Variants in PNPLA5 observed in about 807,000 individuals in gnomAD.
The protein encoded by PNPLA5 is patatin like domain 5, triacylglycerol lipase.
In PNPLA5, 44 loss-of-function variants were observed where a neutral mutation model predicts 49.1. The ratio of observed to expected loss-of-function variants is 0.90; its 90% confidence interval spans 0.70 to 1.15. The LOEUF (loss-of-function observed/expected upper bound fraction) is 1.15. Among genes scored for constraint, PNPLA5 ranks in the 50% most tolerant of loss-of-function variants. The probability of loss-of-function intolerance (pLI) is 0.00; values close to 1 mark genes in which losing one functional copy is unlikely to be tolerated. For missense variants in PNPLA5, 603 were observed against 564.0 expected, an observed-to-expected ratio of 1.07 and a Z score of -0.70; for synonymous variants, 243 against 244.4, an observed-to-expected ratio of 0.99 and a Z score of 0.06.
intron 3 of PNPLA5, 30 bp from the exon 4 acceptor site, chr22:43,889,568 G>A (rs376437412): frequency 1.3e-6 from 2 of 1,573,446 alleles, no homozygotes; most frequent in Non-Finnish European, 8.6e-7. Context: ...GGTGGGTGGT[G>A]CTGCCCTCTC....
At chr22:43,883,818 AAAAG>A (rs200922083) in intron 7 of PNPLA5, among the ~76,000 whole-genome samples, 36,749 of 150,394 alleles carry the variant, frequency 0.24, 4,585 homozygotes, top group East Asian at 0.48. Context: ...CAGAAAAAAA[AAAAG>A]AAAAGAAAAG....
At chr22:43,886,157 T>C in intron 6 of PNPLA5, 146 bp downstream of exon 6, 1 of 851,566 alleles carries the variant, frequency 1.2e-6, no homozygotes, top group Non-Finnish European at 1.7e-6. Context: ...GAAAAGCCCA[T>C]AGTACCACAC....
intron 6 of PNPLA5, among the ~76,000 whole-genome samples, chr22:43,885,219 G>A (rs1445781014): frequency 1.3e-5 from 2 of 152,236 alleles, no homozygotes; most frequent in Non-Finnish European, 2.9e-5. Flanking sequence ...AGAATCCCAA[G>A]CTTGGACCTC....
At chr22:43,889,194 G>T (rs1183336638) in intron 4 of PNPLA5, 135 bp downstream of exon 4, 4 of 961,636 alleles carry the variant, frequency 4.2e-6, no homozygotes, top group African/African-American at 1.6e-5. Context: ...CAGGTGTTTG[G>T]CTGTGAGACT....
intron 8 of PNPLA5, among the ~76,000 whole-genome samples, chr22:43,881,131 G>A (rs2049605784): frequency 6.6e-6 from 1 of 152,162 alleles, no homozygotes; most frequent in Admixed American, 6.5e-5. Flanking sequence ...GGTGGGGGAG[G>A]GCCACACAGG....
chr22:43,889,541 G>A lies in PNPLA5; in HGVS notation c.493-3C>T, dbSNP rs767521246. Reference sequence around the variant, plus strand: ...CTCAGAGCCCCATCGATGTAGCGCTGCAATTTGTGGGGAGCAGGTGGGTGG... The same window carrying A: ...CTCAGAGCCCCATCGATGTAGCGCTACAATTTGTGGGGAGCAGGTGGGTGG... On this transcript the variant is annotated splice_region_variant and splice_polypyrimidine_tract_variant and intron_variant, in intron 3 of 8. Coordinates refer to ENST00000216177, the MANE Select transcript of PNPLA5 (RefSeq NM_138814.4). 3.1e-6 allele frequency: 5 copies of A among 1,599,262 alleles called. No homozygotes were observed. Among genetic ancestry groups the A allele is most frequent in the Non-Finnish European group, 4.3e-6 (5 of 1,170,860 alleles).
chr22:43,891,308 A>C lies in PNPLA5; in HGVS notation c.194-14T>G, dbSNP rs1403287682. 1.9e-6 allele frequency: 3 copies of C among 1,545,976 alleles called. No individual in the cohort carries two copies. Among genetic ancestry groups the C allele is most frequent in the Non-Finnish European group, 8.7e-7 (1 of 1,150,682 alleles). On this transcript the variant is annotated splice_polypyrimidine_tract_variant and intron_variant, in intron 1 of 8. Coordinates refer to ENST00000216177, the MANE Select transcript of PNPLA5 (RefSeq NM_138814.4). The stretch of plus-strand genomic sequence containing the variant: ...AGCAGCAGAAGTCTGCAGTGGGGGC[A>C]GGGAAAGGGAGACCTCAGCGCCCAG...
intron 2 of PNPLA5, 167 bp from the exon 3 acceptor site, chr22:43,890,031 G>A: frequency 7.1e-7 from 1 of 1,404,832 alleles, no homozygotes; most frequent in South Asian, 1.5e-5. Flanking sequence ...TCCAAGGGAA[G>A]CAGGGATTGG....
intron 3 of PNPLA5, 34 bp from the exon 4 acceptor site, chr22:43,889,572 C>T (rs1358403609): frequency 4.5e-6 from 7 of 1,570,380 alleles, no homozygotes; most frequent in Non-Finnish European, 6.1e-6. Context: ...GGTGGTGCTG[C>T]CCTCTCAGAG....
At chr22:43,887,914 C>A (rs2049682974) in intron 4 of PNPLA5, among the ~76,000 whole-genome samples, 1 of 152,206 alleles carries the variant, frequency 6.6e-6, no homozygotes, top group Admixed American at 6.5e-5. Context: ...CCTGAGACAC[C>A]CTGGCTGCTC....
chr22:43,889,816 G>T lies in PNPLA5; in HGVS notation c.475C>A (p.Pro159Thr), dbSNP rs200690261. Residue 159 changes from proline to threonine, a missense_variant, in exon 3 of 9, where the codon CCC becomes ACC. By Grantham distance (38) the Pro-to-Thr change is conservative. Transcript: ENST00000216177. ...GCACTCACCTCCCCTCTGAACTCGG[G>T]GGGGATCAGCCCGCAGTAGAAAGGA... ...YFPFYCGLIP[P>T]EFRGERYIDG... 5.6e-6 allele frequency: 9 copies of T among 1,613,316 alleles called. No individual in the cohort carries two copies. In the East Asian group the frequency reaches 6.7e-5, roughly 12 times the overall value.
intron 2 of PNPLA5, among the ~76,000 whole-genome samples, chr22:43,890,636 G>A (rs2049712892): frequency 6.6e-6 from 1 of 152,180 alleles, no homozygotes; most frequent in Admixed American, 6.5e-5. Flanking sequence ...GAAGCCCCAG[G>A]AAGGCAAGGG....
At position 43,889,435 on chromosome 22, in the gene PNPLA5, C is replaced by A. The variant is rs145976734; in HGVS notation, c.596G>T (p.Ser199Ile). Residue 199 changes from serine to isoleucine, a missense_variant, in exon 4 of 9, where the codon AGC becomes ATC. Transcript: ENST00000216177. ...FHGTVDICPQ[S>I]TSPNLHELNV... ...CAGCTCATGCAGGTTGGGGGAGGTG[C>A]TCTGGGGGCAGATGTCCACTGTCCC... is the stretch of plus-strand genomic sequence containing the variant. 7.9e-5 allele frequency: 128 copies of A among 1,614,074 alleles called. 1 individual carries two copies. Among genetic ancestry groups the A allele is most frequent in the South Asian group, 2.9e-4 (26 of 91,062 alleles).
intron 7 of PNPLA5, 87 bp downstream of exon 7, chr22:43,884,126 A>AACCCCC: frequency 1.7e-6 from 1 of 571,644 alleles, no homozygotes; most frequent in Non-Finnish European, 2.7e-6. Flanking sequence ...AGCCCTACCC[A>AACCCCC]CCCAGTGTGC....
chr22:43,885,783 T>A (rs2049657808), intron 6 of PNPLA5, among the ~76,000 whole-genome samples: 1 of 152,232 alleles, frequency 6.6e-6, no homozygotes, highest in African/African-American at 2.4e-5. Flanking sequence ...TTTGCTACTG[T>A]GTGACCTTGG....
At chr22:43,889,979 G>A (rs950002998) in intron 2 of PNPLA5, 115 bp from the exon 3 acceptor site, 33 of 1,485,680 alleles carry the variant, frequency 2.2e-5, no homozygotes, top group South Asian at 2.7e-5. Context: ...TCAGTCCCAC[G>A]TCCAGATGAG....
Position 43,880,599 on chromosome 22 carries a change from G to A in PNPLA5, c.*196C>T, listed in dbSNP as rs1346645712. 6.9e-6 allele frequency: 3 copies of A among 433,422 alleles called. No individual in the cohort carries two copies. The highest frequency in any genetic ancestry group is 1.2e-5 in the Non-Finnish European group (3 of 257,862). The allele number at this position is 433,422 out of a possible 1,614,324, so 26.8% of individuals were successfully genotyped here. A position where few individuals can be genotyped will look rare whatever the true frequency, so the allele number is the denominator to read the frequency against. On this transcript the variant is annotated 3_prime_UTR_variant, in exon 9 of 9. Coordinates refer to ENST00000216177, the MANE Select transcript of PNPLA5 (RefSeq NM_138814.4). ...CTCCCTGATGAGACGGGGCAAGAGGGAGGGCAGGTGACCTGGGTACACAGT... is the reference window on the plus strand; with the variant it reads ...CTCCCTGATGAGACGGGGCAAGAGGAAGGGCAGGTGACCTGGGTACACAGT...
intron 6 of PNPLA5, among the ~76,000 whole-genome samples, chr22:43,885,307 A>C (rs2049651924): frequency 6.6e-6 from 1 of 151,374 alleles, no homozygotes; most frequent in Non-Finnish European, 1.5e-5. Flanking sequence ...CCCCTTCCTC[A>C]TCCCCTTGCC....
rs773972892 is a variant in PNPLA5, at chr22:43,884,238, C to T, written c.1057G>A (p.Glu353Lys). The stretch of plus-strand genomic sequence containing the variant: ...CTTCTGCTGCGGAAGTAGATGTACT[C>T]GAAGGGCAGTGTGCAGGGTAGCAGC... ...YLLLPCTLPF[E>K]YIYFRSRRLV... Residue 353 changes from glutamate to lysine, a missense_variant, in exon 7 of 9, where the codon GAG (glutamate) becomes AAG (lysine). Glu to Lys is a moderately conservative substitution (Grantham distance 56). Transcript: ENST00000216177. The T allele has an allele frequency of 1.6e-5, 26 of 1,577,040 alleles. No individual in the cohort carries two copies. The highest frequency in any genetic ancestry group is 3.5e-5 in the South Asian group (3 of 86,926).
Sources: allele counts gnomAD v4.1 joint callset (sites outside exome capture counted in the v4.1 genomes callset), GRCh38; gene constraint gnomAD v4.1.1; transcripts MANE v1.5; gene names NCBI Gene and HGNC (gene_info 2026-07-23, HGNC 2026-07-21).